The following AK1 variants were observed in gnomAD, a reference collection of about 807,000 sequenced individuals.
AK1 encodes adenylate kinase isoenzyme 1.
A neutral mutation model predicts 23.9 loss-of-function variants in AK1; 13 were observed. The ratio of observed to expected loss-of-function variants is 0.54; its 90% CI spans 0.35 to 0.86. The LOEUF (loss-of-function observed/expected upper bound fraction) is 0.86, where lower values mean the gene tolerates loss of function less well. AK1 is among the 40% of genes least tolerant of loss of function. The pLI, the probability that AK1 is intolerant of heterozygous loss-of-function variation, is 0.01. For synonymous variants in AK1, 97 were observed against 102.8 expected (o/e 0.94, Z 0.34); for missense variants, 214 against 255.1 (o/e 0.84, Z 1.10).
chr9:127,873,763 C>T lies in AK1; in HGVS notation c.8-702G>A, dbSNP rs931595962. 12 of 985,328 alleles carry T rather than the reference C, an allele frequency of 1.2e-5. No homozygotes were observed. In the African/African-American group the frequency reaches 1.9e-4, roughly 16 times the overall value. The allele number at this position is 985,328 out of a possible 1,614,324, so 61.0% of individuals were successfully genotyped here. On this transcript the variant is annotated intron_variant, in intron 2 of 6. Transcript: ENST00000644144. ...AGGGATGTCAGAACCAAAACCAGAA[C>T]CCAAGCTCCCCACTGGGCTTTCAGG...
At chr9:127,873,593 T>C in intron 2 of AK1, 1 of 1,421,172 alleles carries the variant, frequency 7.0e-7, no homozygotes, top group African/African-American at 1.4e-5. Flanking sequence ...TGGAGGGCTG[T>C]GGTGGGCATG....
rs1166821198 is a variant in AK1, at chr9:127,871,649, T to G, written c.324+174A>C. Among the ~76,000 whole-genome samples the G allele has an allele frequency of 6.6e-6, 1 of 151,422 alleles. No homozygotes were observed. The highest frequency in any genetic ancestry group is 1.5e-5 in the Non-Finnish European group (1 of 67,998). ...CTCCTGGCGCTTCCCCTTCTACACA[T>G]TTTCTTCTACACTTCCAGAAAGTCT... On this transcript the variant is annotated intron_variant, in intron 5 of 6. Coordinates refer to ENST00000644144, the MANE Select transcript of AK1 (RefSeq NM_000476.3). The surrounding 1 kb of genome is among the most constrained non-coding windows in gnomAD (Gnocchi z 4.4).
At chr9:127,874,725 G>A (rs998335175) in intron 1 of AK1, 76 bp from the exon 2 acceptor site, 2 of 1,427,904 alleles carry the variant, frequency 1.4e-6, no homozygotes, top group African/African-American at 1.4e-5. Context: ...CCACACCCAA[G>A]GCAACTGGTG....
At chr9:127,879,344 G>A (rs1480512181), upstream of AK1, among the ~76,000 whole-genome samples, 1 of 152,080 alleles carries the variant, frequency 6.6e-6, no homozygotes, top group Admixed American at 6.5e-5. Context: ...AGGCAAAAAG[G>A]CTGGGCGCGG....
intron 2 of AK1, 22 bp from the exon 3 acceptor site, chr9:127,873,083 C>A (rs757069816): frequency 3.1e-6 from 5 of 1,612,078 alleles, no homozygotes; most frequent in South Asian, 1.1e-5. Context: ...AAAAGGGGAG[C>A]AGGGCTCAGT....
rs773049575 is a variant in AK1, at chr9:127,873,410, G to A, written c.8-349C>T. The A allele has an allele frequency of 3.2e-5, 50 of 1,580,842 alleles. No individual in the cohort carries two copies. In the African/African-American group the frequency reaches 6.2e-4, roughly 20 times the overall value. ...GCCGGTCACCTCTGGCTCTCAGATC[G>A]TCTTCTCTGCGGGGGTCACTCGAGG... On this transcript the variant is annotated intron_variant, in intron 2 of 6. Transcript: ENST00000644144.
Position 127,873,026 on chromosome 9 carries a change from C to T in AK1, c.43G>A (p.Gly15Ser). 1.9e-6 allele frequency: 3 copies of T among 1,614,114 alleles called. No homozygotes were observed. The highest frequency in any genetic ancestry group is 2.5e-6 in the Non-Finnish European group (3 of 1,179,986). ...LKKTKIIFVV[G>S]GPGSGKGTQC... ...CACCACCCGCCTGCCCGCAACTCAC[C>T]CACCACAAAGATGATCTTGGTTTTC... is the stretch of plus-strand genomic sequence containing the variant. Residue 15 changes from glycine to serine, a missense_variant and splice_region_variant, in exon 3 of 7, where the codon GGT becomes AGT. Physicochemically the swap from Gly to Ser is moderately conservative, Grantham distance 56. Transcript: ENST00000644144.
rs746380720 is a variant in AK1, at chr9:127,868,381, G to A, written c.456C>T (p.Thr152=). Residue 152 remains threonine, a synonymous_variant, in exon 6 of 7, where the codon ACC becomes ACT. Transcript: ENST00000644144. This position sits in a 1 kb window ranked among gnomAD's most constrained non-coding sequence, Gnocchi z 4.1. ...TGACAGGTTCTGTGGCCTTGTAATAGGTCTCCAGCCGCTTTTTGATGGTCT... is the reference window on the plus strand; with the variant it reads ...TGACAGGTTCTGTGGCCTTGTAATAAGTCTCCAGCCGCTTTTTGATGGTCT... ...NEETIKKRLE[T]YYKATEPVIA... is the part of the protein sequence containing the mutation. The A allele has an allele frequency of 1.2e-6, 2 of 1,611,924 alleles. No homozygotes were observed. The highest frequency in any genetic ancestry group is 2.7e-5 in the African/African-American group (2 of 74,898).
At position 127,872,101 on chromosome 9, in the gene AK1, C is replaced by A. The variant is rs117680905; in HGVS notation, c.208-162G>T. ...GAAGCTTCCTCGGAATTGTGGAGACCTGGACTGAGTGAATGAATGAATGAA... is the reference window on the plus strand; with the variant it reads ...GAAGCTTCCTCGGAATTGTGGAGACATGGACTGAGTGAATGAATGAATGAA... On this transcript the variant is annotated intron_variant, in intron 4 of 6. Coordinates refer to ENST00000644144, the MANE Select transcript of AK1 (RefSeq NM_000476.3). Among the ~76,000 whole-genome samples the A allele has an allele frequency of 7.8e-3, 1,181 of 152,282 alleles. 9 individuals are homozygous for A. The highest frequency in any genetic ancestry group is 0.013 in the Non-Finnish European group (903 of 68,024).
chr9:127,873,921 C>G (rs1251917942), intron 2 of AK1: 4 of 985,328 alleles, frequency 4.1e-6, no homozygotes, highest in Non-Finnish European at 4.8e-6. Context: ...TCCCAGGGGC[C>G]CTCCCAGCCA....
Position 127,868,831 on chromosome 9 carries a change from C to T in AK1, c.325-319G>A, listed in dbSNP as rs1829313646. Among the ~76,000 whole-genome samples the T allele has an allele frequency of 6.6e-6, 1 of 152,154 alleles. No individual in the cohort carries two copies. Among genetic ancestry groups the T allele is most frequent in the Non-Finnish European group, 1.5e-5 (1 of 68,030 alleles). The stretch of plus-strand genomic sequence containing the variant: ...TCATGCTGTTCCCTCTGCTAGGAGC[C>T]CTCTCCCCCGAGCCTGATCCTAACT... On this transcript the variant is annotated intron_variant, in intron 5 of 6. Transcript: ENST00000644144. This position sits in a 1 kb window ranked among gnomAD's most constrained non-coding sequence, Gnocchi z 4.1.
chr9:127,867,682 A>C lies in AK1; in HGVS notation c.*326T>G. ...AGGCCAGGCATGCCCTGTGCGAGGA[A>C]GGGCCCCGGGCCTCCCACCAGAGCT... is the stretch of plus-strand genomic sequence containing the variant. On this transcript the variant is annotated 3_prime_UTR_variant, in exon 7 of 7. Transcript: ENST00000644144. 8.1e-5 allele frequency: 29 copies of C among 357,194 alleles called. No homozygotes were observed. The highest frequency in any genetic ancestry group is 1.4e-4 in the East Asian group (2 of 14,812). The allele number at this position is 357,194 out of a possible 1,614,324, so 22.1% of individuals were successfully genotyped here.
At chr9:127,874,399 T>C (rs1829490471) in intron 2 of AK1, 2 of 985,316 alleles carry the variant, frequency 2.0e-6, no homozygotes, top group Middle Eastern at 5.2e-4. Context: ...TCAGGAGCCT[T>C]GGGGAGGCCT....
intron 4 of AK1, 38 bp downstream of exon 4, chr9:127,872,652 G>A (rs1829440476): frequency 2.5e-6 from 4 of 1,612,642 alleles, no homozygotes; most frequent in Non-Finnish European, 2.5e-6. Context: ...CAGGGCTACT[G>A]TCATCCCCTG....
chr9:127,871,493 G>A lies in AK1; in HGVS notation c.324+330C>T, dbSNP rs1014162757. On this transcript the variant is annotated intron_variant, in intron 5 of 6. Transcript: ENST00000644144. The surrounding 1 kb of genome is among the most constrained non-coding windows in gnomAD (Gnocchi z 4.4). ...CTCCAGTCCCCACACTGTCCCTTAA[G>A]GCAGCTGTGACCTGGTCCTCCCACT... 6.6e-6 allele frequency among the ~76,000 whole-genome samples: 1 copy of A among 151,466 alleles called. No homozygotes were observed. The highest frequency in any genetic ancestry group is 1.5e-5 in the Non-Finnish European group (1 of 68,024).
rs150064330 is a variant in AK1 at position 127,868,071 on chromosome 9, G to A, written c.522C>T (p.Asn174=). The A allele has an allele frequency of 6.2e-5, 100 of 1,613,932 alleles. No homozygotes were observed. The highest frequency in any genetic ancestry group is 8.2e-5 in the Non-Finnish European group (97 of 1,179,964). ...AGACACTGTCCACGGAGCCCTCAGC[G>A]TTGACCTGTGGGGAGATGGGCCGTG... ...YEKRGIVRKV[N]AEGSVDSVFS... The change falls in exon 7 of 7, where the codon AAC becomes AAT. Residue 174 remains asparagine (N), a synonymous_variant. Coordinates refer to ENST00000644144, the MANE Select transcript of AK1 (RefSeq NM_000476.3). This position sits in a 1 kb window ranked among gnomAD's most constrained non-coding sequence, Gnocchi z 4.1.
At position 127,871,560 on chromosome 9, in the gene AK1, G is replaced by A. The variant is rs1304162203; in HGVS notation, c.324+263C>T. On this transcript the variant is annotated intron_variant, in intron 5 of 6. Transcript: ENST00000644144. This position sits in a 1 kb window ranked among gnomAD's most constrained non-coding sequence, Gnocchi z 4.4. The stretch of plus-strand genomic sequence containing the variant: ...TGGGAAAACTGAGGTTCAGGAGGCA[G>A]AATGACTGGCCCAAGATCTCAAGCC... Among the ~76,000 whole-genome samples, 1 of 151,608 alleles carries A rather than the reference G, an allele frequency of 6.6e-6. No homozygotes were observed. Among genetic ancestry groups the A allele is most frequent in the Non-Finnish European group, 1.5e-5 (1 of 68,034 alleles).
chr9:127,868,572 C>T lies in AK1; in HGVS notation c.325-60G>A, dbSNP rs1032386732. 1 of 1,529,930 alleles carries T rather than the reference C, an allele frequency of 6.5e-7. No individual in the cohort carries two copies. Among genetic ancestry groups the T allele is most frequent in the Non-Finnish European group, 8.8e-7 (1 of 1,132,668 alleles). 94.8% of individuals were successfully genotyped at this position (1,529,930 alleles called of 1,614,324 possible). A position where few individuals can be genotyped will look rare whatever the true frequency, so the allele number is the denominator to read the frequency against. Reference sequence around the variant, plus strand: ...CCTGCCCCCTAGGGCCATCTCCTCCCCATCTTCCCATCTATGAAGCCCCAG... The same window carrying T: ...CCTGCCCCCTAGGGCCATCTCCTCCTCATCTTCCCATCTATGAAGCCCCAG... On this transcript the variant is annotated intron_variant, in intron 5 of 6. Coordinates refer to ENST00000644144, the MANE Select transcript of AK1 (RefSeq NM_000476.3). The surrounding 1 kb of genome is among the most constrained non-coding windows in gnomAD (Gnocchi z 4.1).
chr9:127,868,808 A>G lies in AK1; in HGVS notation c.325-296T>C, dbSNP rs1489153252. 6.6e-6 allele frequency among the ~76,000 whole-genome samples: 1 copy of G among 152,044 alleles called. No individual in the cohort carries two copies. The highest frequency in any genetic ancestry group is 1.5e-5 in the Non-Finnish European group (1 of 68,006). On this transcript the variant is annotated intron_variant, in intron 5 of 6. Coordinates refer to ENST00000644144, the MANE Select transcript of AK1 (RefSeq NM_000476.3). The surrounding 1 kb of genome is among the most constrained non-coding windows in gnomAD (Gnocchi z 4.1). ...CTCCTTCCATGCCAGACCTGTGCTC[A>G]TGCTGTTCCCTCTGCTAGGAGCCCT...
Sources: gnomAD v4.1 joint callset for allele counts (sites outside exome capture counted in the v4.1 genomes callset) on GRCh38, gnomAD v4.1.1 for gene constraint, Gnocchi (gnomAD v3.1) non-coding constraint, MANE v1.5 for transcripts, NCBI Gene and HGNC (gene_info 2026-07-23, HGNC 2026-07-21) for gene names.